TAFA1: variants seen among roughly 807,000 people sequenced by gnomAD.
TAFA1 encodes the protein chemokine-like protein TAFA-1.
TAFA1 carries 4 observed loss-of-function variants against 18.5 expected under a neutral mutation model. That is an observed-to-expected ratio of 0.22 (90% CI 0.11 to 0.49). The LOEUF is 0.49. Among genes scored for constraint, TAFA1 ranks in the 20% least tolerant of loss-of-function variants. The probability of loss-of-function intolerance (pLI) is 0.98; values close to 1 mark genes in which losing one functional copy is unlikely to be tolerated. For missense variants in TAFA1, 147 were observed against 169.0 expected (o/e 0.87, Z 0.72); for synonymous variants, 56 against 55.2 (o/e 1.01, Z -0.06).
intron 3 of TAFA1, among the ~76,000 whole-genome samples, chr3:68,443,756 T>A (rs1169660483): frequency 3.3e-5 from 5 of 152,060 alleles, no homozygotes; most frequent in African/African-American, 1.2e-4. Context: ...GAGTTACATA[T>A]CAAGATGATA....
chr3:68,164,182 A>C (rs541350480), intron 2 of TAFA1, among the ~76,000 whole-genome samples: 26 of 152,238 alleles, frequency 1.7e-4, no homozygotes, highest in African/African-American at 6.3e-4. Context: ...GTTTATTACA[A>C]TCTCTCTCTT....
At chr3:68,399,730 A>C (rs7629299) in intron 2 of TAFA1, among the ~76,000 whole-genome samples, 74,777 of 152,002 alleles carry the variant, frequency 0.49, 18,874 homozygotes, top group African/African-American at 0.52. Context: ...GCACATTTTT[A>C]TTATTCAGTC....
At chr3:68,008,144 T>C (rs1704401212) in intron 2 of TAFA1, among the ~76,000 whole-genome samples, 1 of 152,230 alleles carries the variant, frequency 6.6e-6, no homozygotes, top group African/African-American at 2.4e-5. Flanking sequence ...CTGGTGCCCC[T>C]GCAGGTGGGC....
chr3:68,439,161 AT>A (rs1394986036), intron 3 of TAFA1, among the ~76,000 whole-genome samples: 8 of 151,986 alleles, frequency 5.3e-5, no homozygotes, highest in Non-Finnish European at 7.4e-5. Flanking sequence ...CACTTTTTAC[AT>A]GGCCAGGCTG....
At chr3:68,300,782 A>G (rs892892351) in intron 2 of TAFA1, among the ~76,000 whole-genome samples, 7 of 152,150 alleles carry the variant, frequency 4.6e-5, no homozygotes, top group African/African-American at 1.4e-4. Context: ...AGTTCTCACA[A>G]GATTTGATGG....
intron 2 of TAFA1, among the ~76,000 whole-genome samples, chr3:68,043,845 T>A (rs977234649): frequency 6.6e-6 from 1 of 152,200 alleles, no homozygotes; most frequent in Non-Finnish European, 1.5e-5. Context: ...TGTTTTTTTT[T>A]AACTTATTTT....
At chr3:68,133,361 G>T (rs1188928353) in intron 2 of TAFA1, among the ~76,000 whole-genome samples, 1 of 152,016 alleles carries the variant, frequency 6.6e-6, no homozygotes, top group Non-Finnish European at 1.5e-5. Flanking sequence ...CTCTTTTTTG[G>T]TTCCATATGA....
rs1704720434 is a variant in TAFA1, at chr3:68,022,813, A to ATATATATATTATATATAATATATATATAT, written c.118+16079_118+16107dup. 9.8e-4 allele frequency among the ~76,000 whole-genome samples: 100 copies of ATATATATATTATATATAATATATATATAT among 102,398 alleles called. 1 individual carries two copies. Among genetic ancestry groups the ATATATATATTATATATAATATATATATAT allele is most frequent in the African/African-American group, 4.0e-3 (97 of 24,018 alleles). 67.2% of individuals were successfully genotyped at this position (102,398 alleles called of 152,430 possible). On this transcript the variant is annotated intron_variant, in intron 2 of 4. Coordinates refer to ENST00000478136, the MANE Select transcript of TAFA1 (RefSeq NM_213609.4). ...TCCTTCAATTATGTATAAGATTTAT[A>ATATATATATTATATATAATATATATATAT]TATATATATTATATATAATATATAT... is the stretch of plus-strand genomic sequence containing the variant.
At chr3:68,260,386 G>A (rs892211169) in intron 2 of TAFA1, among the ~76,000 whole-genome samples, 1 of 151,980 alleles carries the variant, frequency 6.6e-6, no homozygotes, top group Non-Finnish European at 1.5e-5. Context: ...CAAGGATATT[G>A]GTCTAAAATT....
chr3:68,194,458 C>T (rs993140150), intron 2 of TAFA1, among the ~76,000 whole-genome samples: 2 of 151,620 alleles, frequency 1.3e-5, no homozygotes, highest in African/African-American at 2.4e-5. Context: ...TGCAAATATG[C>T]TGATGGGATA....
At chr3:68,251,077 G>GAA (rs34377293) in intron 2 of TAFA1, among the ~76,000 whole-genome samples, 3 of 145,246 alleles carry the variant, frequency 2.1e-5, no homozygotes, top group South Asian at 4.7e-4. Flanking sequence ...TGTTAATCAA[G>GAA]AAAAAAAAAC....
At chr3:68,239,489 T>C (rs2066970539) in intron 2 of TAFA1, among the ~76,000 whole-genome samples, 1 of 152,108 alleles carries the variant, frequency 6.6e-6, no homozygotes, top group South Asian at 2.1e-4. Context: ...TTTCACCCTT[T>C]ATCCAGGACA....
chr3:68,500,170 A>T (rs766900170), intron 3 of TAFA1, among the ~76,000 whole-genome samples: 8 of 151,960 alleles, frequency 5.3e-5, no homozygotes, highest in Non-Finnish European at 1.0e-4. Context: ...TCTTTAGGTG[A>T]GTCATGGGAT....
At chr3:68,444,547 G>T (rs973599133) in intron 3 of TAFA1, among the ~76,000 whole-genome samples, 2 of 151,964 alleles carry the variant, frequency 1.3e-5, no homozygotes, top group Admixed American at 6.6e-5. Context: ...GTTAACCATT[G>T]TACTATAGCT....
intron 2 of TAFA1, among the ~76,000 whole-genome samples, chr3:68,410,293 G>T (rs1056631882): frequency 6.6e-6 from 1 of 151,940 alleles, no homozygotes; most frequent in African/African-American, 2.4e-5. Context: ...TTAACACCAG[G>T]GTCAACATGG....
intron 2 of TAFA1, among the ~76,000 whole-genome samples, chr3:68,407,137 A>G (rs564152657): frequency 6.6e-6 from 1 of 152,208 alleles, no homozygotes; most frequent in African/African-American, 2.4e-5. Flanking sequence ...AGTAGTCCAT[A>G]CTGGTGAAAA....
At chr3:68,286,830 G>A (rs184266741) in intron 2 of TAFA1, among the ~76,000 whole-genome samples, 1 of 152,276 alleles carries the variant, frequency 6.6e-6, no homozygotes, top group East Asian at 1.9e-4. Flanking sequence ...TACGGGAAAT[G>A]TGAGAGAAAA....
chr3:68,417,134 AAG>A, intron 2 of TAFA1, 144 bp from the exon 3 acceptor site: 1 of 640,424 alleles, frequency 1.6e-6, no homozygotes, highest in Non-Finnish European at 2.7e-6. Flanking sequence ...CACGTAGTAG[AAG>A]AGAGTCCTGT....
chr3:68,201,511 A>G (rs1405073295), intron 2 of TAFA1, among the ~76,000 whole-genome samples: 1 of 151,596 alleles, frequency 6.6e-6, no homozygotes, highest in East Asian at 2.0e-4. Flanking sequence ...GGATTCATCT[A>G]TTTCTCTTTG....
Sources: allele counts gnomAD v4.1 joint callset (sites outside exome capture counted in the v4.1 genomes callset), GRCh38; gene constraint gnomAD v4.1.1; transcripts MANE v1.5; gene names NCBI Gene and HGNC (gene_info 2026-07-23, HGNC 2026-07-21).